Variants in CNTN5 observed in about 807,000 individuals in gnomAD.
The protein encoded by CNTN5 is contactin 5.
A neutral mutation model predicts 129.1 loss-of-function variants in CNTN5; 77 were observed. That is an observed-to-expected ratio of 0.60 (90% CI 0.50 to 0.72). The LOEUF (loss-of-function observed/expected upper bound fraction) is 0.72. CNTN5 is among the 30% of genes least tolerant of loss of function. CNTN5 has a pLI of 0.00. For synonymous variants in CNTN5, 509 were observed against 465.6 expected, an observed-to-expected ratio of 1.09 and a Z score of -1.20; for missense variants, 1,478 against 1,328.8, an observed-to-expected ratio of 1.11 and a Z score of -1.75.
At chr11:99,661,946 T>C (rs1468196465) in intron 3 of CNTN5, among the ~76,000 whole-genome samples, 4 of 152,108 alleles carry the variant, frequency 2.6e-5, no homozygotes, top group Admixed American at 2.0e-4. Context: ...ATCATACATA[T>C]AGACAGACTA....
intron 1 of CNTN5, among the ~76,000 whole-genome samples, chr11:99,035,999 G>A (rs996051012): frequency 3.3e-5 from 5 of 152,068 alleles, no homozygotes; most frequent in African/African-American, 1.2e-4. Flanking sequence ...TTGCTTGTCT[G>A]TAAAGTATTT....
At chr11:99,845,291 A>G in intron 6 of CNTN5, 29 bp downstream of exon 6, 2 of 1,451,916 alleles carry the variant, frequency 1.4e-6, no homozygotes, top group Admixed American at 1.8e-5. Flanking sequence ...TTTTCTATAT[A>G]TATGTATATA....
At chr11:100,115,164 A>G (rs1340086215) in intron 13 of CNTN5, among the ~76,000 whole-genome samples, 1 of 150,198 alleles carries the variant, frequency 6.7e-6, no homozygotes, top group Non-Finnish European at 1.5e-5. Context: ...GACTCTGATT[A>G]ATGTGGCATA....
chr11:100,217,949 AG>A (rs954403138), intron 15 of CNTN5, among the ~76,000 whole-genome samples: 1 of 152,218 alleles, frequency 6.6e-6, no homozygotes, highest in African/African-American at 2.4e-5. Context: ...TTTAAAAGTG[AG>A]GTTGAGAGTC....
In CNTN5 at chr11:99,891,758, C is replaced by A. The variant is rs555497902; in HGVS notation, c.578-24296C>A. On this transcript the variant is annotated intron_variant, in intron 6 of 24. Transcript: ENST00000524871. The stretch of plus-strand genomic sequence containing the variant: ...ATGGGCATTTGGGTTGGTTCGAAGT[C>A]TTTGCTATTGTGAATAGTGCTGCAA... Among the ~76,000 whole-genome samples the A allele has an allele frequency of 1.7e-4, 26 of 152,224 alleles. No individual in the cohort carries two copies. In the South Asian group the frequency reaches 4.8e-3, roughly 28 times the overall value.
chr11:99,967,437 C>T (rs1951124370), intron 8 of CNTN5, among the ~76,000 whole-genome samples: 1 of 152,068 alleles, frequency 6.6e-6, no homozygotes, highest in Admixed American at 6.6e-5. Context: ...GTGTAGCTTC[C>T]AATCCAATAT....
At position 100,074,155 on chromosome 11, in the gene CNTN5, A is replaced by T. The variant is rs1325182416; in HGVS notation, c.1441A>T (p.Thr481Ser). 8.1e-6 allele frequency: 13 copies of T among 1,611,262 alleles called. No individual in the cohort carries two copies. Among genetic ancestry groups the T allele is most frequent in the Non-Finnish European group, 1.0e-5 (12 of 1,178,910 alleles). ...TGCTTTTTTAATAGCTTCAGCTCCC[A>T]CTTTTGCACTGAATCAACTGAAGAA... is the stretch of plus-strand genomic sequence containing the variant. ...AELKILASAP[T>S]FALNQLKKTI... Residue 481 changes from threonine (T) to serine (S), a missense_variant, in exon 13 of 25, where the codon ACT becomes TCT. By Grantham distance (58) the Thr-to-Ser change is moderately conservative. Coordinates refer to ENST00000524871, the MANE Select transcript of CNTN5 (RefSeq NM_014361.4).
At chr11:99,098,256 G>T (rs766553843) in intron 1 of CNTN5, among the ~76,000 whole-genome samples, 7 of 152,072 alleles carry the variant, frequency 4.6e-5, no homozygotes, top group Non-Finnish European at 1.0e-4. Context: ...CTGTAAACTG[G>T]ATTGAAACAG....
chr11:100,193,477 T>C lies in CNTN5; in HGVS notation c.1709-11T>C. 9 of 1,486,716 alleles carry C rather than the reference T, an allele frequency of 6.1e-6. No individual in the cohort carries two copies. The highest frequency in any genetic ancestry group is 8.2e-6 in the Non-Finnish European group (9 of 1,101,158). 92.1% of individuals were successfully genotyped at this position (1,486,716 alleles called of 1,614,324 possible). ...TTGATTATCTTAATTAACGTATTTT[T>C]ATTTCTATAGAACCTACAAGGATAG... On this transcript the variant is annotated splice_polypyrimidine_tract_variant and intron_variant, in intron 14 of 24. Transcript: ENST00000524871.
intron 3 of CNTN5, among the ~76,000 whole-genome samples, chr11:99,578,998 A>G (rs1045245743): frequency 1.3e-5 from 2 of 151,826 alleles, no homozygotes; most frequent in African/African-American, 4.8e-5. Context: ...ATCTTGAGTT[A>G]ATTTTTGTAT....
rs555122542 is a variant in CNTN5 at position 99,664,163 on chromosome 11, T to A, written c.55+107894T>A. On this transcript the variant is annotated intron_variant, in intron 3 of 24. Coordinates refer to ENST00000524871, the MANE Select transcript of CNTN5 (RefSeq NM_014361.4). ...CACTGTGTTCATTATATTCTTTGGA[T>A]GTGGGAAGACATGCTTTGTACAAAT... 8.5e-5 allele frequency among the ~76,000 whole-genome samples: 13 copies of A among 152,304 alleles called. No homozygotes were observed. In the South Asian group the frequency reaches 2.3e-3, roughly 27 times the overall value.
intron 3 of CNTN5, among the ~76,000 whole-genome samples, chr11:99,782,040 CCT>C (rs1945330073): frequency 6.6e-6 from 1 of 150,704 alleles, no homozygotes; most frequent in South Asian, 2.1e-4. Flanking sequence ...TCAAATTGTC[CCT>C]GTTTGCAGAC....
intron 10 of CNTN5, among the ~76,000 whole-genome samples, chr11:100,068,126 C>T (rs1420620140): frequency 6.6e-6 from 1 of 152,078 alleles, no homozygotes; most frequent in East Asian, 1.9e-4. Context: ...CTAACAAATA[C>T]AATCAGTTAT....
intron 1 of CNTN5, among the ~76,000 whole-genome samples, chr11:99,175,279 C>T (rs1439400263): frequency 6.6e-6 from 1 of 152,084 alleles, no homozygotes; most frequent in African/African-American, 2.4e-5. Flanking sequence ...GGGTTTATTA[C>T]TCATGAATGT....
chr11:100,139,949 T>C, intron 13 of CNTN5, among the ~76,000 whole-genome samples: 1 of 152,242 alleles, frequency 6.6e-6, no homozygotes, highest in East Asian at 1.9e-4. Context: ...GCTAAGAATA[T>C]AATCCCTGGT....
chr11:99,694,036 C>T lies in CNTN5; in HGVS notation c.56-125508C>T, dbSNP rs562008945. On this transcript the variant is annotated intron_variant, in intron 3 of 24. Transcript: ENST00000524871. ...ATAGAAGGAATTGCATAAACAGACA[C>T]GTGAGGCTTAAGCAAATAATGTTGC... Among the ~76,000 whole-genome samples the T allele has an allele frequency of 3.3e-5, 5 of 151,850 alleles. No homozygotes were observed. In the South Asian group the frequency reaches 8.3e-4, roughly 25 times the overall value.
chr11:100,319,276 C>T (rs1043882274), intron 21 of CNTN5, among the ~76,000 whole-genome samples: 13 of 151,994 alleles, frequency 8.6e-5, no homozygotes, highest in Admixed American at 3.9e-4. Context: ...CCTCAGCCTC[C>T]CAAGTAGCTG....
At chr11:99,395,590 G>A (rs1238208938) in intron 2 of CNTN5, among the ~76,000 whole-genome samples, 2 of 151,792 alleles carry the variant, frequency 1.3e-5, no homozygotes, top group East Asian at 3.9e-4. Flanking sequence ...CATTGCTTTT[G>A]GTGTCTTTGT....
intron 7 of CNTN5, 110 bp from the exon 8 acceptor site, chr11:99,956,696 T>C (rs1487049063): frequency 1.4e-6 from 1 of 696,194 alleles, no homozygotes; most frequent in Non-Finnish European, 2.5e-6. Flanking sequence ...GGATCAAATA[T>C]GTATGACCTT....
Sources: gnomAD v4.1 joint callset for allele counts (sites outside exome capture counted in the v4.1 genomes callset) on GRCh38, gnomAD v4.1.1 for gene constraint, MANE v1.5 for transcripts, NCBI Gene and HGNC (gene_info 2026-07-23, HGNC 2026-07-21) for gene names.